REXO1: variants seen among roughly 807,000 people sequenced by gnomAD.
The protein encoded by REXO1 is REX1, RNA exonuclease 1 homolog.
In REXO1, 42 loss-of-function variants were observed where a neutral mutation model predicts 102.6. The observed-to-expected ratio is 0.41, with a 90% CI of 0.32 to 0.53. The LOEUF (loss-of-function observed/expected upper bound fraction) is 0.53, where lower values mean the gene tolerates loss of function less well. Among genes scored for constraint, REXO1 ranks in the 20% least tolerant of loss-of-function variants. The probability of loss-of-function intolerance (pLI) is 0.27; values close to 1 mark genes in which losing one functional copy is unlikely to be tolerated. For synonymous variants in REXO1, 908 were observed against 779.1 expected, an observed-to-expected ratio of 1.17 and a Z score of -2.76; for missense variants, 1,819 against 1,732.5, an observed-to-expected ratio of 1.05 and a Z score of -0.89.
rs1400417971 is a variant in REXO1 at position 1,826,502 on chromosome 19, G to C, written c.1911+376C>G. On this transcript the variant is annotated intron_variant, in intron 2 of 15. Coordinates refer to ENST00000170168, the MANE Select transcript of REXO1 (RefSeq NM_020695.4). The surrounding 1 kb of genome is among the most constrained non-coding windows in gnomAD (Gnocchi z 4.3). ...GGGGAAGGGAGGAGGGGAGAAGAGAGGGGGAAGGGAGGAAAGGGGAGGCGA... is the reference window on the plus strand; with the variant it reads ...GGGGAAGGGAGGAGGGGAGAAGAGACGGGGAAGGGAGGAAAGGGGAGGCGA... Among the ~76,000 whole-genome samples, 1 of 150,658 alleles carries C rather than the reference G, an allele frequency of 6.6e-6. No homozygotes were observed. The highest frequency in any genetic ancestry group is 1.5e-5 in the Non-Finnish European group (1 of 67,558).
chr19:1,823,990 C>T (rs1175783414), intron 3 of REXO1: 3 of 395,044 alleles, frequency 7.6e-6, no homozygotes, highest in East Asian at 3.6e-5. Flanking sequence ...CTCCCCCACT[C>T]CCAGTGTCTC....
At position 1,827,725 on chromosome 19, in the gene REXO1, T is replaced by C; in HGVS notation, c.1064A>G (p.Lys355Arg). Residue 355 changes from lysine to arginine, a missense_variant, in exon 2 of 16, where the codon AAG becomes AGG. By Grantham distance (26) the Lys-to-Arg change is conservative. Transcript: ENST00000170168. Reference sequence around the variant, plus strand: ...CTGGACCTGGGCTGGGGAGGCGGGCTTGGCTGGGGGCGGCTGGAGGTCCCC... The same window carrying C: ...CTGGACCTGGGCTGGGGAGGCGGGCCTGGCTGGGGGCGGCTGGAGGTCCCC... Reference protein sequence around the residue: ...DVGDLQPPPAKPASPAQVQSS... With the variant: ...DVGDLQPPPARPASPAQVQSS... The C allele has an allele frequency of 6.4e-7, 1 of 1,570,650 alleles. No individual in the cohort carries two copies. The highest frequency in any genetic ancestry group is 8.6e-7 in the Non-Finnish European group (1 of 1,169,178).
chr19:1,818,620 G>C, intron 9 of REXO1, 25 bp from the exon 10 acceptor site: 1 of 1,607,654 alleles, frequency 6.2e-7, no homozygotes, highest in Non-Finnish European at 8.5e-7. Context: ...CCAGGTGGAA[G>C]CTGAGGCTCA....
intron 4 of REXO1, 30 bp downstream of exon 4, chr19:1,823,542 C>A: frequency 7.8e-7 from 1 of 1,279,950 alleles, no homozygotes; most frequent in Non-Finnish European, 1.0e-6. Flanking sequence ...CCACGGCCCC[C>A]CGGCACAGGC....
chr19:1,820,594 T>C (rs1379678409), intron 5 of REXO1, among the ~76,000 whole-genome samples, 199 bp from the exon 6 acceptor site: 1 of 152,118 alleles, frequency 6.6e-6, no homozygotes, highest in African/African-American at 2.4e-5. Context: ...GGAACTAAGG[T>C]CATGGGAAAC....
rs1443196547 is a variant in REXO1 at position 1,827,050 on chromosome 19, G to C, written c.1739C>G (p.Pro580Arg). 2 of 1,289,340 alleles carry C rather than the reference G, an allele frequency of 1.6e-6. No individual in the cohort carries two copies. The highest frequency in any genetic ancestry group is 2.6e-4 in the Middle Eastern group (1 of 3,886). 79.9% of individuals were successfully genotyped at this position (1,289,340 alleles called of 1,614,324 possible). Residue 580 changes from proline (P) to arginine (R), a missense_variant, in exon 2 of 16, where the codon CCA becomes CGA. Coordinates refer to ENST00000170168, the MANE Select transcript of REXO1 (RefSeq NM_020695.4). Reference sequence around the variant, plus strand: ...GGAGGAGGAGGAGGAGGAGGAGGATGGGGCGGGGGAGGGGGGCGGGGAGGC... The same window carrying C: ...GGAGGAGGAGGAGGAGGAGGAGGATCGGGCGGGGGAGGGGGGCGGGGAGGC... Reference protein sequence around the residue: ...LKASPPPSPAPSSSSSSSSST... With the variant: ...LKASPPPSPARSSSSSSSSST...
At chr19:1,838,525 C>A (rs761494039) in intron 1 of REXO1, among the ~76,000 whole-genome samples, 2 of 151,870 alleles carry the variant, frequency 1.3e-5, no homozygotes, top group Admixed American at 6.6e-5. Context: ...CATGCCTGGG[C>A]GCAGTAGCTC....
chr19:1,839,488 G>A (rs1041637156), intron 1 of REXO1, among the ~76,000 whole-genome samples: 1 of 152,246 alleles, frequency 6.6e-6, no homozygotes, highest in Non-Finnish European at 1.5e-5. Flanking sequence ...GCTGTTCCTA[G>A]GATGGGTGCC....
In REXO1 at chr19:1,827,217, G is replaced by A. The variant is rs940066535; in HGVS notation, c.1572C>T (p.Asp524=). The A allele has an allele frequency of 1.8e-5, 28 of 1,542,492 alleles. No individual in the cohort carries two copies. The highest frequency in any genetic ancestry group is 3.9e-5 in the Admixed American group (2 of 51,298). Residue 524 remains aspartate, a synonymous_variant, in exon 2 of 16, where the codon GAC becomes GAT. Coordinates refer to ENST00000170168, the MANE Select transcript of REXO1 (RefSeq NM_020695.4). Reference sequence around the variant, plus strand: ...GCCCTGCGGCCTCGTCCTCACTCTCGTCCCCAAAGAGGTCGGCGTGGCTCA... The same window carrying A: ...GCCCTGCGGCCTCGTCCTCACTCTCATCCCCAAAGAGGTCGGCGTGGCTCA... ...RALSHADLFG[D]ESEDEAAGPG...
intron 1 of REXO1, among the ~76,000 whole-genome samples, chr19:1,847,126 C>T (rs1359132519): frequency 6.6e-6 from 1 of 152,210 alleles, no homozygotes; most frequent in African/African-American, 2.4e-5. Flanking sequence ...AGCGAAGACG[C>T]TGGGCTGTGG....
Position 1,826,034 on chromosome 19 carries a change from A to C in REXO1, c.1912-91T>G. 2.2e-6 allele frequency: 2 copies of C among 897,914 alleles called. No homozygotes were observed. Among genetic ancestry groups the C allele is most frequent in the Non-Finnish European group, 3.7e-6 (2 of 545,424 alleles). 55.6% of individuals were successfully genotyped at this position (897,914 alleles called of 1,614,324 possible). A position where few individuals can be genotyped will look rare whatever the true frequency, so the allele number is the denominator to read the frequency against. The stretch of plus-strand genomic sequence containing the variant: ...TCAAACTGCCCCCGGCAAGTGGGGA[A>C]TGGAACAGTCCAGCCCCCAGGCACA... On this transcript the variant is annotated intron_variant, in intron 2 of 15. Coordinates refer to ENST00000170168, the MANE Select transcript of REXO1 (RefSeq NM_020695.4). The surrounding 1 kb of genome is among the most constrained non-coding windows in gnomAD (Gnocchi z 4.3).
intron 1 of REXO1, among the ~76,000 whole-genome samples, chr19:1,845,395 G>A (rs1194375649): frequency 1.3e-5 from 2 of 152,216 alleles, no homozygotes; most frequent in Admixed American, 1.3e-4. Context: ...CCAGCGCGGT[G>A]CTTCACGCCT....
chr19:1,836,517 G>A (rs895982579), intron 1 of REXO1, among the ~76,000 whole-genome samples: 3 of 151,812 alleles, frequency 2.0e-5, no homozygotes, highest in South Asian at 2.1e-4. Context: ...AGGCCGAGAC[G>A]GGTGGATCAC....
chr19:1,819,087 C>G lies in REXO1; in HGVS notation c.2695G>C (p.Gly899Arg). 6.3e-7 allele frequency: 1 copy of G among 1,598,378 alleles called. No individual in the cohort carries two copies. ...AAGCTGGTCTTGGCGGCCAACCTGC[C>G]CCCCAACACCACCTCGTGGGACACA... ...RVVSHEVVLG[G>R]RLAAKTSFSL... Residue 899 changes from glycine (G) to arginine (R), a missense_variant, in exon 8 of 16, where the codon GGC becomes CGC. Gly to Arg is a moderately radical substitution (Grantham distance 125). Transcript: ENST00000170168.
chr19:1,832,519 C>T (rs956564863), intron 1 of REXO1, among the ~76,000 whole-genome samples: 22 of 152,202 alleles, frequency 1.4e-4, no homozygotes, highest in African/African-American at 5.3e-4. Flanking sequence ...TGGTCACGGG[C>T]AGCTGCCGCC....
chr19:1,829,609 G>A (rs2145291425), intron 1 of REXO1, among the ~76,000 whole-genome samples: 1 of 152,122 alleles, frequency 6.6e-6, no homozygotes, highest in East Asian at 1.9e-4. Flanking sequence ...GGGAGTTCAA[G>A]ACCAGCCAGA....
Position 1,827,979 on chromosome 19 carries a change from A to G in REXO1, c.810T>C (p.Pro270=). The G allele has an allele frequency of 1.2e-6, 2 of 1,613,488 alleles. No homozygotes were observed. The highest frequency in any genetic ancestry group is 1.7e-6 in the Non-Finnish European group (2 of 1,179,832). Residue 270 remains proline (P), a synonymous_variant, in exon 2 of 16, where the codon CCT becomes CCC. Transcript: ENST00000170168. ...AGGGGTCACAGAGCTTCTTGGGAGCAGGTGTGTAGGGCTCACTGCCGCGGG... is the reference window on the plus strand; with the variant it reads ...AGGGGTCACAGAGCTTCTTGGGAGCGGGTGTGTAGGGCTCACTGCCGCGGG... ...RGSRGSEPYT[P]APKKLCDPFG...
At chr19:1,838,061 G>A (rs143831321) in intron 1 of REXO1, among the ~76,000 whole-genome samples, 56 of 151,606 alleles carry the variant, frequency 3.7e-4, no homozygotes, top group Admixed American at 1.0e-3. Flanking sequence ...TAATCCCCGC[G>A]CTCTGGGAGG....
chr19:1,816,619 C>CGGGGGG, intron 13 of REXO1, 50 bp from the exon 14 acceptor site: 1 of 440,534 alleles, frequency 2.3e-6, no homozygotes, highest in Non-Finnish European at 4.3e-6. Context: ...GAAGCACTGG[C>CGGGGGG]TGGTGGGGCG....
Sources: allele counts gnomAD v4.1 joint callset (sites outside exome capture counted in the v4.1 genomes callset), GRCh38; gene constraint gnomAD v4.1.1; non-coding constraint Gnocchi (gnomAD v3.1); transcripts MANE v1.5; gene names NCBI Gene and HGNC (gene_info 2026-07-23, HGNC 2026-07-21).